ACOT7: variants seen among roughly 807,000 people sequenced by gnomAD.
ACOT7 encodes the protein acyl-CoA thioesterase 7.
A neutral mutation model predicts 40.2 loss-of-function variants in ACOT7; 12 were observed. That is an observed-to-expected ratio of 0.30 (90% CI 0.19 to 0.48). The LOEUF (loss-of-function observed/expected upper bound fraction) is 0.48. ACOT7 is among the 20% of genes least tolerant of loss of function. The probability of loss-of-function intolerance (pLI) is 0.99; values close to 1 mark genes in which losing one functional copy is unlikely to be tolerated. For synonymous variants in ACOT7, 228 were observed against 219.5 expected, an observed-to-expected ratio of 1.04 and a Z score of -0.34; for missense variants, 395 against 530.8, an observed-to-expected ratio of 0.74 and a Z score of 2.51.
At chr1:6,305,949 G>A (rs1341188452) in intron 6 of ACOT7, among the ~76,000 whole-genome samples, 4 of 152,120 alleles carry the variant, frequency 2.6e-5, no homozygotes, top group Non-Finnish European at 5.9e-5. Flanking sequence ...CACCTCGGGA[G>A]GCCGAGGCTG....
At position 6,298,413 on chromosome 1, in the gene ACOT7, G is replaced by A. The variant is rs573315444; in HGVS notation, c.713-3433C>T. On this transcript the variant is annotated intron_variant, in intron 6 of 8. Transcript: ENST00000361521. The stretch of plus-strand genomic sequence containing the variant: ...GTCTCCCAAAGTGCTGGGATTACAG[G>A]TGTGAGCTACTGCGCCCAGGTGCAT... Among the ~76,000 whole-genome samples, 6 of 152,330 alleles carry A rather than the reference G, an allele frequency of 3.9e-5. 1 individual carries two copies. In the South Asian group the frequency reaches 1.2e-3, roughly 32 times the overall value.
rs1277872709 is a variant in ACOT7, at chr1:6,392,634, T to C, written c.143+623A>G. Among the ~76,000 whole-genome samples the C allele has an allele frequency of 6.6e-5, 10 of 152,290 alleles. No homozygotes were observed. In the East Asian group the frequency reaches 1.5e-3, roughly 24 times the overall value. On this transcript the variant is annotated intron_variant, in intron 1 of 8. Transcript: ENST00000361521. ...CAGACCACTGATTCCCTTTTCTTCA[T>C]AGTAAACTGTTAGAGGTAGACAGTA...
rs1454932227 is a variant in ACOT7, at chr1:6,301,711, C to G, written c.713-6731G>C. Reference sequence around the variant, plus strand: ...CCAGCCACAAAGTATGTGGCTCCTTCAGGCAACAATTTGCGTCAAGAATTA... The same window carrying G: ...CCAGCCACAAAGTATGTGGCTCCTTGAGGCAACAATTTGCGTCAAGAATTA... On this transcript the variant is annotated intron_variant, in intron 6 of 8. Transcript: ENST00000361521. The surrounding 1 kb of genome is among the most constrained non-coding windows in gnomAD (Gnocchi z 4.1). 6.6e-6 allele frequency among the ~76,000 whole-genome samples: 1 copy of G among 152,220 alleles called. No individual in the cohort carries two copies. Among genetic ancestry groups the G allele is most frequent in the Non-Finnish European group, 1.5e-5 (1 of 68,032 alleles).
intron 1 of ACOT7, among the ~76,000 whole-genome samples, chr1:6,387,360 T>TA (rs1009684047): frequency 1.4e-4 from 21 of 148,104 alleles, no homozygotes; most frequent in South Asian, 1.3e-3. Flanking sequence ...TATCCTACCT[T>TA]AAAAAAAAAA....
At chr1:6,351,182 C>T (rs1353835290) in intron 1 of ACOT7, among the ~76,000 whole-genome samples, 2 of 152,200 alleles carry the variant, frequency 1.3e-5, no homozygotes, top group African/African-American at 4.8e-5. Context: ...CCCAGTGTCA[C>T]CCCTCCACCC....
At position 6,393,554 on chromosome 1, in the gene ACOT7, G is replaced by T. The variant is rs1642576284; in HGVS notation, c.-155C>A. On this transcript the variant is annotated 5_prime_UTR_variant, in exon 1 of 9. Transcript: ENST00000361521. ...GCCGCCAAGGCTGCAGAGAGCTCGC[G>T]CGGGCGTACGATTCTGGCGGCGTGG... 1 of 625,200 alleles carries T rather than the reference G, an allele frequency of 1.6e-6. No homozygotes were observed. Among genetic ancestry groups the T allele is most frequent in the Non-Finnish European group, 2.2e-6 (1 of 447,032 alleles). 38.7% of individuals were successfully genotyped at this position (625,200 alleles called of 1,614,324 possible).
At position 6,330,573 on chromosome 1, in the gene ACOT7, A is replaced by G. The variant is rs928314627; in HGVS notation, c.510+2904T>C. On this transcript the variant is annotated intron_variant, in intron 4 of 8. Coordinates refer to ENST00000361521, the MANE Select transcript of ACOT7 (RefSeq NM_007274.4). This position sits in a 1 kb window ranked among gnomAD's most constrained non-coding sequence, Gnocchi z 4.6. ...TTGGTATTTATGTCTCATCAAACCCACTCTACAAAGGAAATGAAAAAGCAA... is the reference window on the plus strand; with the variant it reads ...TTGGTATTTATGTCTCATCAAACCCGCTCTACAAAGGAAATGAAAAAGCAA... Among the ~76,000 whole-genome samples the G allele has an allele frequency of 2.0e-5, 3 of 152,028 alleles. No individual in the cohort carries two copies. The highest frequency in any genetic ancestry group is 2.0e-4 in the Admixed American group (3 of 15,270).
chr1:6,354,916 C>G lies in ACOT7; in HGVS notation c.144-5050G>C, dbSNP rs144019701. ...TGCCTTGGCTGAGATCCTAACTGGC[C>G]CCGACTGCACAGCCCCAGGACCAAG... On this transcript the variant is annotated intron_variant, in intron 1 of 8. Transcript: ENST00000361521. Among the ~76,000 whole-genome samples, 19 of 151,860 alleles carry G rather than the reference C, an allele frequency of 1.3e-4. 1 individual carries two copies. The East Asian group carries it at 2.3e-3, about 19-fold the overall frequency.
chr1:6,307,929 C>A (rs1449298382), intron 6 of ACOT7, among the ~76,000 whole-genome samples: 2 of 149,416 alleles, frequency 1.3e-5, no homozygotes, highest in Middle Eastern at 3.8e-3. Context: ...CACAAACAGG[C>A]AGAGGGAACC....
chr1:6,312,537 G>C (rs974106543), intron 6 of ACOT7, among the ~76,000 whole-genome samples: 1 of 149,426 alleles, frequency 6.7e-6, no homozygotes, highest in African/African-American at 2.5e-5. Context: ...GCATGATCTT[G>C]GCTCACTGTA....
At chr1:6,334,297 G>A (rs1357133716) in intron 3 of ACOT7, among the ~76,000 whole-genome samples, 1 of 152,236 alleles carries the variant, frequency 6.6e-6, no homozygotes, top group African/African-American at 2.4e-5. Flanking sequence ...GACACGCAAC[G>A]TCTTCTGCAG....
chr1:6,370,110 A>G (rs1295551336), intron 1 of ACOT7, among the ~76,000 whole-genome samples: 1 of 152,152 alleles, frequency 6.6e-6, no homozygotes. Flanking sequence ...TTCTCACTTT[A>G]TTAGCCTCTG....
chr1:6,326,851 G>A (rs1640811230), intron 5 of ACOT7, among the ~76,000 whole-genome samples: 1 of 150,454 alleles, frequency 6.6e-6, no homozygotes, highest in African/African-American at 2.5e-5. Context: ...AGAATCACTT[G>A]AACCCAGGAG....
intron 5 of ACOT7, among the ~76,000 whole-genome samples, chr1:6,318,879 C>T (rs1640565942): frequency 6.6e-6 from 1 of 152,204 alleles, no homozygotes; most frequent in South Asian, 2.1e-4. Flanking sequence ...AGCTGTGAGT[C>T]CCGGGGCTGC....
At chr1:6,381,138 A>G (rs1192181055) in intron 1 of ACOT7, among the ~76,000 whole-genome samples, 1 of 151,926 alleles carries the variant, frequency 6.6e-6, no homozygotes, top group Non-Finnish European at 1.5e-5. Context: ...AAAAATGGAC[A>G]CGGACTTTCT....
At chr1:6,385,604 C>A in intron 1 of ACOT7, 1 of 1,612,318 alleles carries the variant, frequency 6.2e-7, no homozygotes, top group Non-Finnish European at 8.5e-7. Context: ...CAGCCACCAG[C>A]CTCCTGGAAG....
At chr1:6,302,046 G>A (rs1332322922) in intron 6 of ACOT7, among the ~76,000 whole-genome samples, 1 of 152,226 alleles carries the variant, frequency 6.6e-6, no homozygotes, top group African/African-American at 2.4e-5. Flanking sequence ...GGGGGCTGTC[G>A]TAATCCCACC....
chr1:6,323,701 G>C (rs1640709436), intron 5 of ACOT7, among the ~76,000 whole-genome samples: 1 of 114,624 alleles, frequency 8.7e-6, no homozygotes, highest in South Asian at 3.0e-4. Flanking sequence ...CTGGTCAACA[G>C]AGTGAGACTT....
intron 5 of ACOT7, among the ~76,000 whole-genome samples, chr1:6,325,168 G>A (rs1472804391): frequency 6.6e-6 from 1 of 152,246 alleles, no homozygotes; most frequent in Non-Finnish European, 1.5e-5. Flanking sequence ...GGAGGCCGAG[G>A]TGGGCGGATC....
Sources: gnomAD v4.1 joint callset for allele counts (sites outside exome capture counted in the v4.1 genomes callset) on GRCh38, gnomAD v4.1.1 for gene constraint, Gnocchi (gnomAD v3.1) non-coding constraint, MANE v1.5 for transcripts, NCBI Gene and HGNC (gene_info 2026-07-23, HGNC 2026-07-21) for gene names.